The following SPAG16 variants were observed in gnomAD, a reference collection of about 807,000 sequenced individuals.
The protein encoded by SPAG16 is sperm associated antigen 16.
In SPAG16, 86 loss-of-function variants were observed where a neutral mutation model predicts 80.4. The observed-to-expected ratio is 1.07, with a 90% CI of 0.90 to 1.28. The LOEUF (loss-of-function observed/expected upper bound fraction) is 1.28. Among genes scored for constraint, SPAG16 ranks in the 50% most tolerant of loss-of-function variants. SPAG16 has a pLI of 0.00. For synonymous variants in SPAG16, 294 were observed against 265.9 expected, an observed-to-expected ratio of 1.11 and a Z score of -1.03; for missense variants, 870 against 765.3, an observed-to-expected ratio of 1.14 and a Z score of -1.61.
intron 4 of SPAG16, among the ~76,000 whole-genome samples, chr2:213,310,632 G>A (rs980541075): frequency 7.9e-5 from 12 of 151,524 alleles, no homozygotes; most frequent in Non-Finnish European, 1.5e-4. Context: ...TACTCACATA[G>A]CTGATTAATT....
chr2:213,734,890 A>G (rs535394004), intron 10 of SPAG16, among the ~76,000 whole-genome samples: 2 of 152,258 alleles, frequency 1.3e-5, no homozygotes, highest in East Asian at 3.9e-4. Context: ...TGATGTGACA[A>G]TTGTTAATCT....
chr2:214,346,379 A>G (rs576951942), intron 15 of SPAG16, among the ~76,000 whole-genome samples: 2 of 152,288 alleles, frequency 1.3e-5, no homozygotes, highest in African/African-American at 2.4e-5. Flanking sequence ...GGTATTCTCT[A>G]TTATGAAGAA....
chr2:214,340,312 C>T (rs953323811), intron 15 of SPAG16, among the ~76,000 whole-genome samples: 6 of 152,186 alleles, frequency 3.9e-5, no homozygotes, highest in Non-Finnish European at 8.8e-5. Context: ...ATTTAACATA[C>T]CCTTTCACCT....
chr2:213,877,304 GT>G (rs551418955), intron 11 of SPAG16, among the ~76,000 whole-genome samples: 46 of 151,912 alleles, frequency 3.0e-4, no homozygotes, highest in Admixed American at 1.4e-3. Context: ...TGATACATGG[GT>G]TTTTTTGTTT....
At chr2:213,439,105 A>T (rs952562812) in intron 9 of SPAG16, among the ~76,000 whole-genome samples, 1 of 152,192 alleles carries the variant, frequency 6.6e-6, no homozygotes, top group African/African-American at 2.4e-5. Context: ...GCCTGGGGAG[A>T]TCATGAATAG....
intron 10 of SPAG16, among the ~76,000 whole-genome samples, chr2:213,671,309 G>A (rs1049311846): frequency 6.6e-6 from 1 of 152,182 alleles, no homozygotes; most frequent in Admixed American, 6.5e-5. Flanking sequence ...TCTAAGGGTA[G>A]CATGTGATTG....
intron 13 of SPAG16, among the ~76,000 whole-genome samples, chr2:214,044,570 CA>C (rs1428465280): frequency 6.6e-6 from 1 of 152,096 alleles, no homozygotes; most frequent in East Asian, 1.9e-4. Context: ...TCATCAGAAC[CA>C]AAAATCAGGT....
At chr2:214,310,165 C>CTTTTT (rs3044977) in intron 15 of SPAG16, among the ~76,000 whole-genome samples, 11 of 143,784 alleles carry the variant, frequency 7.7e-5, no homozygotes, top group Middle Eastern at 3.3e-3. Context: ...TTCTTTCTTT[C>CTTTTT]TTTTTTTTTT....
At chr2:214,298,245 A>C (rs1207908007) in intron 15 of SPAG16, among the ~76,000 whole-genome samples, 1 of 151,586 alleles carries the variant, frequency 6.6e-6, no homozygotes, top group African/African-American at 2.4e-5. Context: ...CTTGAATGTT[A>C]TTGTTGTATA....
intron 9 of SPAG16, among the ~76,000 whole-genome samples, chr2:213,397,705 A>G (rs900914141): frequency 4.6e-5 from 7 of 152,006 alleles, no homozygotes; most frequent in African/African-American, 1.5e-4. Context: ...TAACTGCTAT[A>G]ATTTTTCATT....
chr2:214,289,069 T>C (rs1238987782), intron 15 of SPAG16, among the ~76,000 whole-genome samples: 2 of 152,144 alleles, frequency 1.3e-5, no homozygotes, highest in Non-Finnish European at 2.9e-5. Context: ...TTCCCAGCCC[T>C]TTGCCCACTT....
intron 10 of SPAG16, among the ~76,000 whole-genome samples, chr2:213,557,498 C>T (rs778252290): frequency 5.3e-5 from 8 of 151,408 alleles, no homozygotes; most frequent in Admixed American, 2.6e-4. Context: ...ATTCTGAAAA[C>T]GTTTTAAATT....
chr2:214,325,733 T>C (rs907888107), intron 15 of SPAG16, among the ~76,000 whole-genome samples: 18 of 152,280 alleles, frequency 1.2e-4, no homozygotes, highest in African/African-American at 3.8e-4. Context: ...GCTTTTTTTT[T>C]TTACATGTAT....
intron 12 of SPAG16, among the ~76,000 whole-genome samples, chr2:213,970,315 A>G (rs1001845594): frequency 6.6e-6 from 1 of 151,968 alleles, no homozygotes; most frequent in Non-Finnish European, 1.5e-5. Flanking sequence ...TATTTTTAAA[A>G]ACATTTTTAT....
At chr2:214,192,693 T>G (rs2125699981) in intron 15 of SPAG16, among the ~76,000 whole-genome samples, 1 of 152,220 alleles carries the variant, frequency 6.6e-6, no homozygotes, top group South Asian at 2.1e-4. Flanking sequence ...TTGGGATGGT[T>G]TTGTTTTTCT....
At chr2:214,012,001 C>G (rs1051266561) in intron 12 of SPAG16, among the ~76,000 whole-genome samples, 2 of 151,702 alleles carry the variant, frequency 1.3e-5, no homozygotes, top group Admixed American at 1.3e-4. Context: ...ACAGGATCAC[C>G]GAGTGCATCA....
intron 5 of SPAG16, 69 bp from the exon 6 acceptor site, chr2:213,340,094 A>C (rs2064598126): frequency 1.0e-6 from 1 of 968,956 alleles, no homozygotes; most frequent in South Asian, 1.5e-5. Flanking sequence ...ACTGGATTTG[A>C]ACTCAAGACT....
chr2:213,470,222 T>C (rs979660033), intron 9 of SPAG16, among the ~76,000 whole-genome samples: 3 of 152,138 alleles, frequency 2.0e-5, no homozygotes, highest in African/African-American at 7.2e-5. Context: ...CATTGCACAG[T>C]TTTTATCAGT....
At chr2:214,168,075 C>T (rs894612602) in intron 15 of SPAG16, among the ~76,000 whole-genome samples, 2 of 150,542 alleles carry the variant, frequency 1.3e-5, no homozygotes, top group South Asian at 2.1e-4. Flanking sequence ...ACTGCAACTC[C>T]GTCTCCCGAG....
Sources: allele counts gnomAD v4.1 joint callset (sites outside exome capture counted in the v4.1 genomes callset), GRCh38; gene constraint gnomAD v4.1.1; transcripts MANE v1.5; gene names NCBI Gene and HGNC (gene_info 2026-07-23, HGNC 2026-07-21).